EXD1: variants seen among roughly 807,000 people sequenced by gnomAD.
The protein encoded by EXD1 is exonuclease 3'-5' domain containing 1, also known as piRNA biogenesis protein EXD1.
A neutral mutation model predicts 49.1 loss-of-function variants in EXD1; 63 were observed. The ratio of observed to expected loss-of-function variants is 1.28; its 90% CI spans 1.05 to 1.58. EXD1 has a LOEUF of 1.58. Ranked by LOEUF, EXD1 falls within the 40% of genes most tolerant of loss-of-function variation. The pLI is 0.00. For synonymous variants in EXD1, 234 were observed against 239.2 expected, an observed-to-expected ratio of 0.98 and a Z score of 0.20; for missense variants, 748 against 666.0, an observed-to-expected ratio of 1.12 and a Z score of -1.36.
rs896083992 is a variant in EXD1 at position 41,216,850 on chromosome 15, A to C, written c.261-55T>G. The C allele has an allele frequency of 1.9e-6, 3 of 1,601,342 alleles. No homozygotes were observed. The African/African-American group carries it at 4.0e-5, about 22-fold the overall frequency. ...AACTTGTTCTTTGTTGTTGACACCA[A>C]AAACAGATTTTGCCACACATTAACG... On this transcript the variant is annotated intron_variant, in intron 4 of 11. Transcript: ENST00000458580.
intron 7 of EXD1, among the ~76,000 whole-genome samples, chr15:41,203,223 G>T (rs1248832999): frequency 2.0e-5 from 3 of 152,200 alleles, no homozygotes; most frequent in African/African-American, 7.2e-5. Flanking sequence ...TGGGCTGAAG[G>T]TTTATATGAG....
intron 7 of EXD1, among the ~76,000 whole-genome samples, chr15:41,205,698 G>C (rs1182373994): frequency 7.5e-6 from 1 of 132,458 alleles, no homozygotes; most frequent in Non-Finnish European, 1.6e-5. Flanking sequence ...TCTCAAAAAA[G>C]TAAGGAAGGA....
At position 41,184,256 on chromosome 15, in the gene EXD1, G is replaced by T. The variant is rs752211289; in HGVS notation, c.1394C>A (p.Ser465Tyr). The stretch of plus-strand genomic sequence containing the variant: ...CTTTGTGCAAATGAGTTTGTTACTG[G>T]AATCCTCACTGGTTTCCCCTTCCTC... ...PTEEGETSED[S>Y]SNKLICTKSK... The change falls in exon 12 of 12, where the codon TCC becomes TAC. Residue 465 changes from serine to tyrosine, a missense_variant. Coordinates refer to ENST00000458580, the MANE Select transcript of EXD1 (RefSeq NM_001286441.2). 2.5e-6 allele frequency: 4 copies of T among 1,614,148 alleles called. No individual in the cohort carries two copies. In the South Asian group the frequency reaches 4.4e-5, roughly 18 times the overall value.
intron 7 of EXD1, among the ~76,000 whole-genome samples, chr15:41,206,675 G>A (rs1432803485): frequency 3.0e-5 from 4 of 132,092 alleles, no homozygotes; most frequent in African/African-American, 8.2e-5. Flanking sequence ...AGGTTGGAGT[G>A]CAGTGGCACA....
intron 2 of EXD1, among the ~76,000 whole-genome samples, chr15:41,220,427 C>T (rs2090826): frequency 0.16 from 24,630 of 151,906 alleles, 3,693 homozygotes; most frequent in African/African-American, 0.4. Context: ...CGAGCCACCA[C>T]GTTTTATATT....
At chr15:41,196,673 T>C (rs1231887836) in intron 7 of EXD1, among the ~76,000 whole-genome samples, 19 of 150,440 alleles carry the variant, frequency 1.3e-4, no homozygotes, top group Non-Finnish European at 2.5e-4. Flanking sequence ...TCAGGTGATC[T>C]ACACACCTCG....
At chr15:41,193,307 T>A (rs2046559850) in intron 9 of EXD1, among the ~76,000 whole-genome samples, 1 of 152,246 alleles carries the variant, frequency 6.6e-6, no homozygotes, top group African/African-American at 2.4e-5. Context: ...GAAAGGAAGA[T>A]AAAATTCAAG....
At chr15:41,191,368 A>C in intron 10 of EXD1, 74 bp downstream of exon 10, 1 of 1,392,950 alleles carries the variant, frequency 7.2e-7, no homozygotes, top group Non-Finnish European at 9.9e-7. Context: ...ATTTTTCTAC[A>C]TAACAGGCTG....
At position 41,217,138 on chromosome 15, in the gene EXD1, T is replaced by C. The variant is rs558260587; in HGVS notation, c.219A>G (p.Glu73=). ...HEIVNVELLD[E]VEQGSVRAKA... Reference sequence around the variant, plus strand: ...TTGCTCTCACTGAGCCTTGTTCCACTTCATCTAGTAGTTCCACTGTAAAAT... The same window carrying C: ...TTGCTCTCACTGAGCCTTGTTCCACCTCATCTAGTAGTTCCACTGTAAAAT... Residue 73 remains glutamate (E), a synonymous_variant, in exon 4 of 12, where the codon GAA becomes GAG. Coordinates refer to ENST00000458580, the MANE Select transcript of EXD1 (RefSeq NM_001286441.2). The C allele has an allele frequency of 6.2e-7, 1 of 1,612,332 alleles. No homozygotes were observed. Among genetic ancestry groups the C allele is most frequent in the Admixed American group, 1.7e-5 (1 of 59,966 alleles).
At chr15:41,185,894 T>C (rs1033616265) in intron 11 of EXD1, among the ~76,000 whole-genome samples, 1 of 152,188 alleles carries the variant, frequency 6.6e-6, no homozygotes, top group African/African-American at 2.4e-5. Flanking sequence ...CCAGGCACTT[T>C]ATAAATTGTC....
At chr15:41,206,973 A>T in intron 7 of EXD1, among the ~76,000 whole-genome samples, 1 of 110,238 alleles carries the variant, frequency 9.1e-6, no homozygotes, top group Non-Finnish European at 1.7e-5. Context: ...CCTCTGCGCC[A>T]GGTGTGGTGG....
chr15:41,196,676 A>C (rs1309418413), intron 7 of EXD1, among the ~76,000 whole-genome samples: 19 of 148,682 alleles, frequency 1.3e-4, no homozygotes, highest in Non-Finnish European at 2.5e-4. Flanking sequence ...GGTGATCTAC[A>C]CACCTCGGCC....
chr15:41,205,436 CTGTA>C (rs61338944), intron 7 of EXD1, among the ~76,000 whole-genome samples: 40,825 of 151,898 alleles, frequency 0.27, 7,364 homozygotes, highest in African/African-American at 0.51. Context: ...TGTGAAAAAA[CTGTA>C]TGGCATCCTT....
chr15:41,188,549 T>C (rs1460339340), intron 11 of EXD1, among the ~76,000 whole-genome samples: 3 of 151,356 alleles, frequency 2.0e-5, no homozygotes, highest in East Asian at 3.9e-4. Flanking sequence ...CCCGCCACCA[T>C]GCCCAGCTAA....
Position 41,216,655 on chromosome 15 carries a change from C to A in EXD1, c.388+13G>T. 1 of 1,595,566 alleles carries A rather than the reference C, an allele frequency of 6.3e-7. No individual in the cohort carries two copies. The highest frequency in any genetic ancestry group is 8.5e-7 in the Non-Finnish European group (1 of 1,175,704). ...TCAAAAAAAAAAAGAAAATTCAGAG[C>A]CCCTATATTCACCTGATGGGCTGTA... is the stretch of plus-strand genomic sequence containing the variant. On this transcript the variant is annotated intron_variant, in intron 5 of 11. Coordinates refer to ENST00000458580, the MANE Select transcript of EXD1 (RefSeq NM_001286441.2).
At chr15:41,228,172 G>T (rs1168601573) in intron 1 of EXD1, among the ~76,000 whole-genome samples, 2 of 152,094 alleles carry the variant, frequency 1.3e-5, no homozygotes, top group Non-Finnish European at 2.9e-5. Context: ...TAGAAACTTA[G>T]ATAAGTATTC....
rs2046372754 is a variant in EXD1, at chr15:41,184,435, T to C, written c.1215A>G (p.Lys405=). The C allele has an allele frequency of 1.2e-6, 2 of 1,614,088 alleles. No individual in the cohort carries two copies. Among genetic ancestry groups the C allele is most frequent in the African/African-American group, 2.7e-5 (2 of 74,934 alleles). The change falls in exon 12 of 12, where the codon AAA becomes AAG. Residue 405 remains lysine (K), a synonymous_variant. Transcript: ENST00000458580. ...ATAAGAAGCCTTTGACTTTCTCCTC[T>C]TTCCCTGCTGTCTCTGTCACTAATT... ...PKKLVTETAG[K]EEKVKGFLFG...
chr15:41,214,161 T>A (rs2046964610), intron 6 of EXD1, among the ~76,000 whole-genome samples: 1 of 151,238 alleles, frequency 6.6e-6, no homozygotes, highest in African/African-American at 2.4e-5. Context: ...AGACTCCATC[T>A]CAAAAACAAA....
At chr15:41,213,091 G>A (rs1432541593) in intron 6 of EXD1, among the ~76,000 whole-genome samples, 2 of 152,066 alleles carry the variant, frequency 1.3e-5, no homozygotes, top group African/African-American at 4.8e-5. Flanking sequence ...ATAAAAATAA[G>A]TGAAATACTG....
Sources: gnomAD v4.1 joint callset for allele counts (sites outside exome capture counted in the v4.1 genomes callset) on GRCh38, gnomAD v4.1.1 for gene constraint, MANE v1.5 for transcripts, NCBI Gene and HGNC (gene_info 2026-07-23, HGNC 2026-07-21) for gene names.